CYP7B1: variants seen among roughly 807,000 people sequenced by gnomAD.
The protein encoded by CYP7B1 is cytochrome P450 family 7 subfamily B member 1.
In CYP7B1, 29 loss-of-function variants were observed where a neutral mutation model predicts 42.7. The ratio of observed to expected loss-of-function variants is 0.68; its 90% CI spans 0.51 to 0.93. The LOEUF is 0.93. Ranked by LOEUF, CYP7B1 falls within the 40% of genes least tolerant of loss-of-function variation. The pLI is 0.00. For synonymous variants in CYP7B1, 235 were observed against 218.2 expected (o/e 1.08, Z -0.68); for missense variants, 655 against 600.5 (o/e 1.09, Z -0.95).
rs1805025700 is a variant in CYP7B1, at chr8:64,590,952, C to T, written c.*5690G>A. ...ATTTCTTATCTGACATCTTTTAGGA[C>T]AATTTGATTCATTGTAAATCCACAT... On this transcript the variant is annotated 3_prime_UTR_variant, in exon 6 of 6. Coordinates refer to ENST00000310193, the MANE Select transcript of CYP7B1 (RefSeq NM_004820.5). Among the ~76,000 whole-genome samples the T allele has an allele frequency of 6.6e-6, 1 of 151,996 alleles. No individual in the cohort carries two copies. Among genetic ancestry groups the T allele is most frequent in the South Asian group, 2.1e-4 (1 of 4,814 alleles).
chr8:64,674,592 T>A (rs561212323), intron 1 of CYP7B1, among the ~76,000 whole-genome samples: 131 of 152,236 alleles, frequency 8.6e-4, no homozygotes, highest in African/African-American at 2.9e-3. Context: ...TTGTGGTTAT[T>A]ACATGAAAAA....
chr8:64,616,166 G>A lies in CYP7B1; in HGVS notation c.375C>T (p.Ile125=), dbSNP rs768892657. 1 of 1,613,042 alleles carries A rather than the reference G, an allele frequency of 6.2e-7. No homozygotes were observed. Among genetic ancestry groups the A allele is most frequent in the African/African-American group, 1.3e-5 (1 of 74,936 alleles). ...TGTCATGATTTTTTTGCAACTGACT[G>A]ATGCTAAATGCTTTCTCTAATAATT... is the stretch of plus-strand genomic sequence containing the variant. ...SNKLLEKAFS[I]SQLQKNHDMN... The change falls in exon 3 of 6, where the codon ATC becomes ATT. Residue 125 remains isoleucine (I), a synonymous_variant. Coordinates refer to ENST00000310193, the MANE Select transcript of CYP7B1 (RefSeq NM_004820.5).
intron 5 of CYP7B1, among the ~76,000 whole-genome samples, chr8:64,601,976 T>C (rs1448227275): frequency 3.3e-5 from 5 of 152,336 alleles, no homozygotes; most frequent in African/African-American, 4.8e-5. Flanking sequence ...TATGTTAATG[T>C]GCAATATCTG....
At chr8:64,796,777 G>T (rs1300062921) in intron 1 of CYP7B1, among the ~76,000 whole-genome samples, 1 of 152,112 alleles carries the variant, frequency 6.6e-6, no homozygotes, top group Non-Finnish European at 1.5e-5. Context: ...GCAACACAGG[G>T]TATATTTCCC....
intron 1 of CYP7B1, among the ~76,000 whole-genome samples, chr8:64,771,730 G>GCT (rs1241912330): frequency 1.3e-5 from 2 of 152,018 alleles, no homozygotes; most frequent in East Asian, 3.9e-4. Flanking sequence ...TCATTCCCTG[G>GCT]CTCTCTCTCT....
intron 1 of CYP7B1, among the ~76,000 whole-genome samples, chr8:64,663,034 C>G (rs944076204): frequency 1.3e-5 from 2 of 152,172 alleles, no homozygotes; most frequent in Non-Finnish European, 2.9e-5. Context: ...TCCCTATACA[C>G]CATATTTACC....
chr8:64,652,368 A>G (rs956088087), intron 1 of CYP7B1, among the ~76,000 whole-genome samples: 1 of 152,172 alleles, frequency 6.6e-6, no homozygotes, highest in African/African-American at 2.4e-5. Flanking sequence ...ACAACAGAAT[A>G]TACATTCTTC....
At chr8:64,633,876 A>G (rs910294479) in intron 1 of CYP7B1, among the ~76,000 whole-genome samples, 2 of 152,236 alleles carry the variant, frequency 1.3e-5, no homozygotes, top group Non-Finnish European at 2.9e-5. Context: ...AAGAAACAAG[A>G]GAGTGTGGTA....
intron 1 of CYP7B1, among the ~76,000 whole-genome samples, chr8:64,676,528 T>C (rs1269175720): frequency 6.6e-6 from 1 of 152,128 alleles, no homozygotes; most frequent in Non-Finnish European, 1.5e-5. Context: ...TTTGTCCTAT[T>C]AATTATACAG....
In CYP7B1 at chr8:64,798,494, C is replaced by A. The variant is rs181854355; in HGVS notation, c.94G>T (p.Ala32Ser). Residue 32 changes from alanine to serine, a missense_variant, in exon 1 of 6, where the codon GCC becomes TCC. Ala to Ser is a moderately conservative substitution (Grantham distance 99). Transcript: ENST00000310193. ...LALAAALLLL[A>S]LCLLVRRTRR... ...GTGCGCCGGACAAGCAAGCAGAGGG[C>A]CAGGAGCAGCAGGGCCGCGGCGAGG... The A allele has an allele frequency of 4.5e-4, 688 of 1,512,816 alleles. 2 individuals carry two copies. The highest frequency in any genetic ancestry group is 3.3e-4 in the Non-Finnish European group (381 of 1,139,068). 93.7% of individuals were successfully genotyped at this position (1,512,816 alleles called of 1,614,324 possible).
intron 1 of CYP7B1, among the ~76,000 whole-genome samples, chr8:64,714,011 G>C (rs1037454871): frequency 6.6e-6 from 1 of 152,202 alleles, no homozygotes; most frequent in African/African-American, 2.4e-5. Flanking sequence ...AAGATCTCTT[G>C]TATCTCTGTT....
At chr8:64,742,493 A>G (rs1390699020) in intron 1 of CYP7B1, among the ~76,000 whole-genome samples, 2 of 152,222 alleles carry the variant, frequency 1.3e-5, no homozygotes, top group Non-Finnish European at 2.9e-5. Context: ...AGAATTTTAT[A>G]TTCTCTGTTA....
Position 64,615,940 on chromosome 8 carries a change from T to C in CYP7B1, c.601A>G (p.Ile201Val), listed in dbSNP as rs772411096. 25 of 1,613,498 alleles carry C rather than the reference T, an allele frequency of 1.5e-5. No individual in the cohort carries two copies. Among genetic ancestry groups the C allele is most frequent in the Non-Finnish European group, 2.0e-5 (24 of 1,179,756 alleles). Reference protein sequence around the residue: ...ITFTTIYGKVIVCDNNKFISE... With the variant: ...ITFTTIYGKVVVCDNNKFISE... ...ATAAATTTGTTGTTGTCACAAACAA[T>C]AACTTTTCCATATATAGTTGTAAAT... Residue 201 changes from isoleucine (I) to valine (V), a missense_variant, in exon 3 of 6, where the codon ATT becomes GTT. By Grantham distance (29) the Ile-to-Val change is conservative. Transcript: ENST00000310193.
chr8:64,642,708 T>C (rs1805876086), intron 1 of CYP7B1, among the ~76,000 whole-genome samples: 1 of 152,122 alleles, frequency 6.6e-6, no homozygotes, highest in Non-Finnish European at 1.5e-5. Context: ...ATTTAAAAAT[T>C]GTTGTAACAT....
chr8:64,793,184 T>C (rs36108237), intron 1 of CYP7B1, among the ~76,000 whole-genome samples: 2 of 152,148 alleles, frequency 1.3e-5, no homozygotes, highest in East Asian at 3.8e-4. Flanking sequence ...ACATCCAGAA[T>C]TGTAAGTTAA....
At chr8:64,623,923 T>A (rs1805568200) in intron 2 of CYP7B1, among the ~76,000 whole-genome samples, 2 of 152,146 alleles carry the variant, frequency 1.3e-5, no homozygotes, top group African/African-American at 4.8e-5. Context: ...CATGGATTTT[T>A]AATGATTGAT....
At chr8:64,604,939 C>A (rs563608757) in intron 4 of CYP7B1, 82 bp from the exon 5 acceptor site, 1 of 1,413,966 alleles carries the variant, frequency 7.1e-7, no homozygotes, top group African/African-American at 1.4e-5. Flanking sequence ...AAACTCATTA[C>A]TAATAGCCTT....
chr8:64,596,696 AAAC>A lies in CYP7B1; in HGVS notation c.1464_1466del (p.Leu488del), dbSNP rs1290257353. On this transcript the variant is annotated inframe_deletion, in exon 6 of 6. Transcript: ENST00000310193. ...CATCAGAATCTGGATACTGAATACC[AAAC>A]AACAAGCGGCTGTAGTTTAGTCCTA... 2 of 1,613,574 alleles carry A rather than the reference AAAC, an allele frequency of 1.2e-6. No homozygotes were observed. The highest frequency in any genetic ancestry group is 1.7e-6 in the Non-Finnish European group (2 of 1,179,788).
intron 1 of CYP7B1, among the ~76,000 whole-genome samples, chr8:64,796,777 G>A (rs1300062921): frequency 6.6e-6 from 1 of 152,112 alleles, no homozygotes; most frequent in Admixed American, 6.5e-5. Context: ...GCAACACAGG[G>A]TATATTTCCC....
Sources: allele counts gnomAD v4.1 joint callset (sites outside exome capture counted in the v4.1 genomes callset), GRCh38; gene constraint gnomAD v4.1.1; transcripts MANE v1.5; gene names NCBI Gene and HGNC (gene_info 2026-07-23, HGNC 2026-07-21).